FBP1: variants seen among roughly 807,000 people sequenced by gnomAD.
FBP1 encodes fructose-bisphosphatase 1.
FBP1 carries 22 observed loss-of-function variants against 29.9 expected under a neutral mutation model. The observed-to-expected ratio is 0.74, with a 90% CI of 0.53 to 1.05. FBP1 has a LOEUF of 1.05. Ranked by LOEUF, FBP1 falls within the 50% of genes least tolerant of loss-of-function variation. The pLI is 0.00. For synonymous variants in FBP1, 175 were observed against 178.6 expected (o/e 0.98, Z 0.16); for missense variants, 345 against 448.2 (o/e 0.77, Z 2.08).
chr9:94,633,854 G>A (rs1828147975), intron 1 of FBP1, among the ~76,000 whole-genome samples: 1 of 151,570 alleles, frequency 6.6e-6, no homozygotes, highest in Non-Finnish European at 1.5e-5. Context: ...ACAGGCGCCC[G>A]CCACCACGCC....
chr9:94,617,116 G>A (rs551761115), intron 3 of FBP1, among the ~76,000 whole-genome samples: 7 of 152,234 alleles, frequency 4.6e-5, no homozygotes, highest in African/African-American at 1.7e-4. Context: ...TCAGTTTTAT[G>A]GGCCATACAG....
Position 94,609,972 on chromosome 9 carries a change from G to C in FBP1, c.516C>G (p.Thr172=). 6.2e-7 allele frequency: 1 copy of C among 1,614,176 alleles called. No individual in the cohort carries two copies. The highest frequency in any genetic ancestry group is 8.5e-7 in the Non-Finnish European group (1 of 1,179,992). The part of the protein sequence containing the change: ...AAGYALYGSA[T]MLVLAMDCGV... ...CACAGTCCATGGCAAGGACCAGCATGGTGGCACTGCCATACAGTGCGTAGC... is the reference window on the plus strand; with the variant it reads ...CACAGTCCATGGCAAGGACCAGCATCGTGGCACTGCCATACAGTGCGTAGC... Residue 172 remains threonine, a synonymous_variant, in exon 4 of 7, where the codon ACC becomes ACG. Coordinates refer to ENST00000375326, the MANE Select transcript of FBP1 (RefSeq NM_000507.4).
At chr9:94,616,529 C>G (rs1827865642) in intron 3 of FBP1, among the ~76,000 whole-genome samples, 1 of 143,190 alleles carries the variant, frequency 7.0e-6, no homozygotes, top group African/African-American at 2.6e-5. Context: ...CAACCTCCAC[C>G]TCCCAGGTTC....
At chr9:94,636,843 C>T (rs1447703275) in intron 1 of FBP1, among the ~76,000 whole-genome samples, 1 of 151,992 alleles carries the variant, frequency 6.6e-6, no homozygotes, top group Non-Finnish European at 1.5e-5. Flanking sequence ...CGCCTGCCAC[C>T]ATGCCTGGCT....
chr9:94,632,926 GGTCCA>G (rs1218185473), intron 1 of FBP1, among the ~76,000 whole-genome samples: 1 of 152,098 alleles, frequency 6.6e-6, no homozygotes. Context: ...CTGCTAAACT[GGTCCA>G]GATCTCCTCC....
chr9:94,624,443 A>G (rs1827994859), intron 1 of FBP1, among the ~76,000 whole-genome samples: 1 of 152,140 alleles, frequency 6.6e-6, no homozygotes, highest in Non-Finnish European at 1.5e-5. Context: ...CCCTGAGGTC[A>G]GAAAATTGAG....
At chr9:94,622,711 C>A (rs1477981693) in intron 1 of FBP1, among the ~76,000 whole-genome samples, 2 of 152,200 alleles carry the variant, frequency 1.3e-5, no homozygotes, top group Non-Finnish European at 2.9e-5. Context: ...ACTCCTATTT[C>A]ATGAGTAAAA....
At chr9:94,630,434 A>G (rs533528514) in intron 1 of FBP1, among the ~76,000 whole-genome samples, 1 of 152,312 alleles carries the variant, frequency 6.6e-6, no homozygotes, top group Admixed American at 6.5e-5. Context: ...CCGGTTCCTC[A>G]GGAAACTAGA....
intron 3 of FBP1, among the ~76,000 whole-genome samples, chr9:94,614,994 C>T (rs142112695): frequency 0.068 from 10,344 of 152,122 alleles, 441 homozygotes; most frequent in South Asian, 0.15. Flanking sequence ...CTGCAAGCTC[C>T]GCCTCCCAGG....
At chr9:94,626,345 G>C (rs1828026020) in intron 1 of FBP1, among the ~76,000 whole-genome samples, 1 of 152,218 alleles carries the variant, frequency 6.6e-6, no homozygotes, top group Non-Finnish European at 1.5e-5. Flanking sequence ...AGTGGGTCAA[G>C]AGAATAAATT....
intron 3 of FBP1, among the ~76,000 whole-genome samples, chr9:94,613,895 C>T (rs1265902687): frequency 3.4e-5 from 5 of 145,274 alleles, no homozygotes; most frequent in African/African-American, 1.3e-4. Flanking sequence ...GGCTAACACA[C>T]GGTGAAACCC....
At position 94,606,965 on chromosome 9, in the gene FBP1, G is replaced by A. The variant is rs1369160439; in HGVS notation, c.568-13C>T. 1 of 1,614,086 alleles carries A rather than the reference G, an allele frequency of 6.2e-7. No homozygotes were observed. Among genetic ancestry groups the A allele is most frequent in the Non-Finnish European group, 8.5e-7 (1 of 1,179,950 alleles). Reference sequence around the variant, plus strand: ...ACTCCCCGATGGCCTTTTTAGACAAGGAAGGAAAGGTGGAGAGATGACGAG... The same window carrying A: ...ACTCCCCGATGGCCTTTTTAGACAAAGAAGGAAAGGTGGAGAGATGACGAG... On this transcript the variant is annotated splice_polypyrimidine_tract_variant and intron_variant, in intron 4 of 6. Transcript: ENST00000375326.
At chr9:94,635,231 C>T (rs1327579581) in intron 1 of FBP1, among the ~76,000 whole-genome samples, 1 of 152,192 alleles carries the variant, frequency 6.6e-6, no homozygotes, top group Non-Finnish European at 1.5e-5. Context: ...AGATCCCGGC[C>T]ACAGGCCAAG....
rs763597464 is a variant in FBP1, at chr9:94,605,446, G to A, written c.825+11C>T. ...TCTGCTCCTCACTCCCTCTCCAGGG[G>A]ACACCCTTACCTTTCCATTGGGGCT... On this transcript the variant is annotated intron_variant, in intron 6 of 6. Transcript: ENST00000375326. 3 of 1,612,788 alleles carry A rather than the reference G, an allele frequency of 1.9e-6. No individual in the cohort carries two copies. Among genetic ancestry groups the A allele is most frequent in the African/African-American group, 1.3e-5 (1 of 74,860 alleles).
chr9:94,620,319 A>G lies in FBP1; in HGVS notation c.333+10T>C, dbSNP rs988556469. On this transcript the variant is annotated intron_variant, in intron 2 of 6. Transcript: ENST00000375326. ...CATTAAAACCCTCAATGGTGGAAGT[A>G]CAGACCCACCCTTTTCTCCGGTTCC... 3 of 1,613,756 alleles carry G rather than the reference A, an allele frequency of 1.9e-6. No individual in the cohort carries two copies. The highest frequency in any genetic ancestry group is 2.5e-6 in the Non-Finnish European group (3 of 1,179,714).
Position 94,603,390 on chromosome 9 carries a change from A to G in FBP1, c.1008T>C (p.Ser336=). The change falls in exon 7 of 7, where the codon TCT becomes TCC. Residue 336 remains serine, a synonymous_variant. Transcript: ENST00000375326. ...CAGGCAGGGCAGGTGCTCACTGGGC[A>G]GAGTGCTTCTCATACACCTTCAGGA... ...LEFLKVYEKH[S]AQ is the part of the protein sequence containing the mutation. The G allele has an allele frequency of 6.2e-7, 1 of 1,613,626 alleles. No individual in the cohort carries two copies. Among genetic ancestry groups the G allele is most frequent in the Non-Finnish European group, 8.5e-7 (1 of 1,179,818 alleles).
At chr9:94,609,207 GAAAGAA>G (rs1563980015) in intron 4 of FBP1, among the ~76,000 whole-genome samples, 2 of 133,250 alleles carry the variant, frequency 1.5e-5, no homozygotes, top group African/African-American at 7.9e-5. Context: ...AAAAAAAAAA[GAAAGAA>G]AGACTGCACC....
chr9:94,604,419 C>T (rs1233364983), intron 6 of FBP1, among the ~76,000 whole-genome samples: 1 of 151,148 alleles, frequency 6.6e-6, no homozygotes, highest in East Asian at 1.9e-4. Flanking sequence ...TGCAAACAGA[C>T]CCAAATACAT....
In FBP1 at chr9:94,607,003, C is replaced by T. The variant is rs781606796; in HGVS notation, c.568-51G>A. The T allele has an allele frequency of 4.3e-5, 70 of 1,612,778 alleles. No homozygotes were observed. In the Admixed American group the frequency reaches 4.7e-4, roughly 11 times the overall value. On this transcript the variant is annotated intron_variant, in intron 4 of 6. Coordinates refer to ENST00000375326, the MANE Select transcript of FBP1 (RefSeq NM_000507.4). ...GAGAGATGACGAGCGCACTGGGTCC[C>T]CCAGGCCTGGATGAGGCGAGCGATG... is the stretch of plus-strand genomic sequence containing the variant.
Sources: allele counts gnomAD v4.1 joint callset (sites outside exome capture counted in the v4.1 genomes callset), GRCh38; gene constraint gnomAD v4.1.1; transcripts MANE v1.5; gene names NCBI Gene and HGNC (gene_info 2026-07-23, HGNC 2026-07-21).